The following PKHD1L1 variants were observed in gnomAD, a reference collection of about 807,000 sequenced individuals.
PKHD1L1 encodes fibrocystin-L.
PKHD1L1 carries 434 observed loss-of-function variants against 462.9 expected under a neutral mutation model. The observed-to-expected ratio is 0.94, with a 90% CI of 0.87 to 1.02. The LOEUF is 1.02. PKHD1L1 is among the 50% of genes least tolerant of loss of function. PKHD1L1 has a pLI of 0.00. For synonymous variants in PKHD1L1, 1,781 were observed against 1,750.0 expected (o/e 1.02, Z -0.44); for missense variants, 5,202 against 5,096.1 (o/e 1.02, Z -0.63).
intron 21 of PKHD1L1, among the ~76,000 whole-genome samples, chr8:109,415,864 G>GGTGT (rs552265043): frequency 0.16 from 16,035 of 99,980 alleles, 1,294 homozygotes; most frequent in African/African-American, 0.26. Context: ...AAAAAAAAGG[G>GGTGT]GTGTGTGTGT....
chr8:109,466,964 G>A (rs372004928), intron 50 of PKHD1L1, among the ~76,000 whole-genome samples, 195 bp downstream of exon 50: 5 of 152,000 alleles, frequency 3.3e-5, no homozygotes, highest in African/African-American at 1.2e-4. Context: ...AGAGGCTAGC[G>A]AAATATTCTG....
intron 76 of PKHD1L1, 62 bp downstream of exon 76, chr8:109,523,448 T>A: frequency 2.1e-6 from 3 of 1,433,480 alleles, no homozygotes; most frequent in Non-Finnish European, 2.9e-6. Flanking sequence ...TATAATGTTC[T>A]TTTAATGAAC....
At chr8:109,461,686 A>G in intron 47 of PKHD1L1, 86 bp from the exon 48 acceptor site, 1 of 1,399,308 alleles carries the variant, frequency 7.1e-7, no homozygotes, top group Non-Finnish European at 9.7e-7. Context: ...TATGTGAATC[A>G]AATGATACAC....
intron 9 of PKHD1L1, among the ~76,000 whole-genome samples, chr8:109,391,894 G>A: frequency 6.6e-6 from 1 of 152,162 alleles, no homozygotes; most frequent in Middle Eastern, 3.2e-3. Flanking sequence ...GGCAATCGGT[G>A]TCATTATAAC....
intron 10 of PKHD1L1, 61 bp from the exon 11 acceptor site, chr8:109,395,966 T>C: frequency 8.4e-7 from 1 of 1,188,680 alleles, no homozygotes; most frequent in Non-Finnish European, 1.2e-6. Flanking sequence ...TTTTAAAAAA[T>C]CAGGTATTTG....
intron 59 of PKHD1L1, among the ~76,000 whole-genome samples, chr8:109,488,742 G>C (rs1442990505): frequency 8.6e-5 from 13 of 152,004 alleles, no homozygotes; most frequent in Admixed American, 8.5e-4. Flanking sequence ...ACCTGATGAT[G>C]ATGGTGCTGC....
At chr8:109,524,013 CT>C (rs1033827873) in intron 76 of PKHD1L1, among the ~76,000 whole-genome samples, 45 of 152,244 alleles carry the variant, frequency 3.0e-4, no homozygotes, top group African/African-American at 1.1e-3. Flanking sequence ...TTTTTTTATA[CT>C]ATCTTCATAT....
chr8:109,496,824 G>C lies in PKHD1L1; in HGVS notation c.10328-95G>C, dbSNP rs1819112262. 2.3e-6 allele frequency: 3 copies of C among 1,331,314 alleles called. No individual in the cohort carries two copies. The African/African-American group carries it at 4.4e-5, about 20-fold the overall frequency. 82.5% of individuals were successfully genotyped at this position (1,331,314 alleles called of 1,614,324 possible). On this transcript the variant is annotated intron_variant, in intron 63 of 77. Transcript: ENST00000378402. ...ATATCAGAATTATGTATGTAATTTT[G>C]AAAAGAATTTTGTTAACTTTAACTG...
At chr8:109,472,006 G>A (rs1817746919) in intron 50 of PKHD1L1, among the ~76,000 whole-genome samples, 3 of 151,980 alleles carry the variant, frequency 2.0e-5, no homozygotes, top group Admixed American at 2.0e-4. Context: ...TTTGTATTTT[G>A]GAGGTGCTTG....
At chr8:109,375,987 C>T (rs185878796) in intron 2 of PKHD1L1, among the ~76,000 whole-genome samples, 1 of 152,334 alleles carries the variant, frequency 6.6e-6, no homozygotes, top group East Asian at 1.9e-4. Flanking sequence ...ATTCTCTGAT[C>T]TCAAGCTGCA....
At chr8:109,499,870 G>A (rs1328275829) in intron 67 of PKHD1L1, among the ~76,000 whole-genome samples, 1 of 152,202 alleles carries the variant, frequency 6.6e-6, no homozygotes, top group African/African-American at 2.4e-5. Context: ...AAACTCTAGA[G>A]TGTAAGTTAA....
chr8:109,463,196 A>G (rs187539693), intron 48 of PKHD1L1, among the ~76,000 whole-genome samples: 8 of 152,284 alleles, frequency 5.3e-5, no homozygotes, highest in East Asian at 1.9e-4. Context: ...TCCCTATGAC[A>G]CTAGAAACTC....
At chr8:109,459,339 CT>C (rs1816985890) in intron 46 of PKHD1L1, among the ~76,000 whole-genome samples, 1 of 152,042 alleles carries the variant, frequency 6.6e-6, no homozygotes. Context: ...TTTCCAAATA[CT>C]TTTTATAAGC....
chr8:109,409,785 TTAG>T, intron 18 of PKHD1L1, 77 bp from the exon 19 acceptor site: 2 of 621,014 alleles, frequency 3.2e-6, no homozygotes, highest in Non-Finnish European at 5.2e-6. Context: ...TTAAAACTAA[TTAG>T]TAGAATCAGT....
In PKHD1L1 at chr8:109,433,206, T is replaced by G. The variant is rs769528010; in HGVS notation, c.3330T>G (p.Leu1110=). ...VSVGPVGCSL[L]SVDEKELKCQ... ...TTGGACCAGTAGGTTGTTCTCTTCT[T>G]TCTGTGGATGGTAGGTCCTTTTAAA... Residue 1110 remains leucine, a synonymous_variant, in exon 28 of 78, where the codon CTT becomes CTG. Coordinates refer to ENST00000378402, the MANE Select transcript of PKHD1L1 (RefSeq NM_177531.6). 98 of 1,610,280 alleles carry G rather than the reference T, an allele frequency of 6.1e-5. No homozygotes were observed. Among genetic ancestry groups the G allele is most frequent in the Non-Finnish European group, 8.1e-5 (95 of 1,177,154 alleles).
intron 57 of PKHD1L1, among the ~76,000 whole-genome samples, chr8:109,483,334 A>T (rs1818364995): frequency 6.6e-6 from 1 of 150,984 alleles, no homozygotes; most frequent in African/African-American, 2.4e-5. Flanking sequence ...TGCATATAAT[A>T]CATAGGTATG....
In PKHD1L1 at chr8:109,439,093, G is replaced by T. The variant is rs370024472; in HGVS notation, c.3956+1G>T. The stretch of plus-strand genomic sequence containing the variant: ...GAAACTGGGGTTTTGCATCAACAAG[G>T]TATGATAATGAACATAAACTTGATG... On this transcript the variant is annotated splice_donor_variant, in intron 32 of 77. Coordinates refer to ENST00000378402, the MANE Select transcript of PKHD1L1 (RefSeq NM_177531.6). LOFTEE classifies it high-confidence loss of function. The T allele has an allele frequency of 6.2e-7, 1 of 1,611,204 alleles. No individual in the cohort carries two copies. The highest frequency in any genetic ancestry group is 1.7e-4 in the Middle Eastern group (1 of 6,038).
At chr8:109,409,804 G>C (rs1813741772) in intron 18 of PKHD1L1, 61 bp from the exon 19 acceptor site, 1 of 875,194 alleles carries the variant, frequency 1.1e-6, no homozygotes, top group Admixed American at 3.0e-5. Context: ...TCAGTAGTAG[G>C]ATTACGAGTG....
chr8:109,456,133 T>A, intron 45 of PKHD1L1, 129 bp from the exon 46 acceptor site: 1 of 909,404 alleles, frequency 1.1e-6, no homozygotes, highest in Admixed American at 3.4e-5. Context: ...TGGAGAAATG[T>A]GTGAAATGCT....
Sources: gnomAD v4.1 joint callset for allele counts (sites outside exome capture counted in the v4.1 genomes callset) on GRCh38, gnomAD v4.1.1 for gene constraint, MANE v1.5 for transcripts, NCBI Gene and HGNC (gene_info 2026-07-23, HGNC 2026-07-21) for gene names.